The following ERCC3 variants were observed in gnomAD, a reference collection of about 807,000 sequenced individuals.
ERCC3 encodes ERCC excision repair 3, TFIIH core complex helicase subunit, also known as general transcription and DNA repair factor IIH helicase/translocase subunit XPB.
A neutral mutation model predicts 94.2 loss-of-function variants in ERCC3; 66 were observed. The ratio of observed to expected loss-of-function variants is 0.70; its 90% CI spans 0.57 to 0.86. The LOEUF (loss-of-function observed/expected upper bound fraction) is 0.86, where lower values mean the gene tolerates loss of function less well. Ranked by LOEUF, ERCC3 falls within the 40% of genes least tolerant of loss-of-function variation. The pLI is 0.00. For missense variants in ERCC3, 829 were observed against 987.1 expected (o/e 0.84, Z 2.15); for synonymous variants, 349 against 369.1 (o/e 0.95, Z 0.63).
chr2:127,290,703 T>A, intron 3 of ERCC3: 2 of 290,780 alleles, frequency 6.9e-6, no homozygotes, highest in South Asian at 6.7e-5. Context: ...AGCATCTTGA[T>A]GGCAGAGAAT....
In ERCC3 at chr2:127,264,008, C is replaced by T. The variant is rs891940990; in HGVS notation, c.1946-2662G>A. 3.3e-5 allele frequency among the ~76,000 whole-genome samples: 5 copies of T among 152,140 alleles called. No homozygotes were observed. The highest frequency in any genetic ancestry group is 1.2e-4 in the African/African-American group (5 of 41,426). ...TACAGGCAAGAGCCACCGTGCCCGG[C>T]TGTCTTGTTCCAGTTCTTAAAGGGA... On this transcript the variant is annotated intron_variant, in intron 12 of 14. Coordinates refer to ENST00000285398, the MANE Select transcript of ERCC3 (RefSeq NM_000122.2). This position sits in a 1 kb window ranked among gnomAD's most constrained non-coding sequence, Gnocchi z 4.4.
intron 5 of ERCC3, 28 bp from the exon 6 acceptor site, chr2:127,289,529 C>G: frequency 6.2e-7 from 1 of 1,611,888 alleles, no homozygotes; most frequent in Non-Finnish European, 8.5e-7. Context: ...GCTGAACGTG[C>G]ACACAACATT....
At chr2:127,290,623 A>C in intron 3 of ERCC3, 1 of 366,354 alleles carries the variant, frequency 2.7e-6, no homozygotes, top group Non-Finnish European at 5.2e-6. Flanking sequence ...GAGTATGTGC[A>C]CAGTAATTGC....
chr2:127,286,514 C>G (rs1274388617), intron 8 of ERCC3, among the ~76,000 whole-genome samples, 189 bp downstream of exon 8: 1 of 151,686 alleles, frequency 6.6e-6, no homozygotes, highest in Non-Finnish European at 1.5e-5. Flanking sequence ...CCACTGCACT[C>G]CAGCTTGGGT....
At chr2:127,285,651 C>G (rs1212012429) in intron 8 of ERCC3, among the ~76,000 whole-genome samples, 2 of 152,056 alleles carry the variant, frequency 1.3e-5, no homozygotes, top group East Asian at 3.9e-4. Context: ...GATTGCACCA[C>G]TGCACTCCAG....
intron 3 of ERCC3, 86 bp from the exon 4 acceptor site, chr2:127,290,359 CA>C (rs1558963446): frequency 2.3e-5 from 26 of 1,145,318 alleles, no homozygotes; most frequent in Middle Eastern, 2.3e-4. Flanking sequence ...ACCTACCAAC[CA>C]AGTGAAAAGT....
intron 6 of ERCC3, 52 bp downstream of exon 6, chr2:127,289,285 G>A: frequency 6.5e-7 from 1 of 1,544,834 alleles, no homozygotes; most frequent in African/African-American, 1.4e-5. Flanking sequence ...GGCTGGACTA[G>A]CTTCTAACAG....
intron 12 of ERCC3, among the ~76,000 whole-genome samples, chr2:127,266,285 C>T (rs533832250): frequency 6.8e-6 from 1 of 147,856 alleles, no homozygotes; most frequent in African/African-American, 2.6e-5. Context: ...TCCACTGTGA[C>T]CCAAGAAAAT....
Position 127,279,411 on chromosome 2 carries a change from G to A in ERCC3, c.1528-36C>T. The stretch of plus-strand genomic sequence containing the variant: ...GTAAGAACCAGGGGTCATTTTACAA[G>A]TTTAAACACCACACAATTTAAAACT... On this transcript the variant is annotated intron_variant, in intron 9 of 14. Coordinates refer to ENST00000285398, the MANE Select transcript of ERCC3 (RefSeq NM_000122.2). This position sits in a 1 kb window ranked among gnomAD's most constrained non-coding sequence, Gnocchi z 4.7. The A allele has an allele frequency of 6.8e-7, 1 of 1,469,420 alleles. No individual in the cohort carries two copies. Among genetic ancestry groups the A allele is most frequent in the Non-Finnish European group, 9.5e-7 (1 of 1,048,064 alleles). The allele number at this position is 1,469,420 out of a possible 1,614,324, so 91.0% of individuals were successfully genotyped here. A position where few individuals can be genotyped will look rare whatever the true frequency, so the allele number is the denominator to read the frequency against.
Position 127,292,690 on chromosome 2 carries a change from G to A in ERCC3, c.391C>T (p.Leu131=), listed in dbSNP as rs2104781050. The change falls in exon 3 of 15, where the codon CTG becomes TTG. Residue 131 remains leucine (L), a synonymous_variant. Transcript: ENST00000285398. ...TACTCGGTGATGTCACTGGTTTGCA[G>A]CCCAACGCTGACAGCTGCATACAAG... ...YSLYAAVSVG[L]QTSDITEYLR... is the part of the protein sequence containing the mutation. The A allele has an allele frequency of 6.2e-7, 1 of 1,614,158 alleles. No homozygotes were observed. Among genetic ancestry groups the A allele is most frequent in the Non-Finnish European group, 8.5e-7 (1 of 1,180,024 alleles).
Position 127,259,312 on chromosome 2 carries a change from C to A in ERCC3, c.2201G>T (p.Gly734Val), listed in dbSNP as rs1435459493. The change falls in exon 14 of 15, where the codon GGC becomes GTC. Residue 734 changes from glycine to valine, a missense_variant. Physicochemically the swap from Gly to Val is moderately radical, Grantham distance 109. Coordinates refer to ENST00000285398, the MANE Select transcript of ERCC3 (RefSeq NM_000122.2). The surrounding 1 kb of genome is among the most constrained non-coding windows in gnomAD (Gnocchi z 4.9). Reference sequence around the variant, plus strand: ...TTTACTCACCTGGCTGGATCTGGAGCCAAATTCCCCAGCCACCACCTCCTC... The same window carrying A: ...TTTACTCACCTGGCTGGATCTGGAGACAAATTCCCCAGCCACCACCTCCTC... ...AEEEVVAGEF[G>V]SRSSQASRRF... 1.2e-6 allele frequency: 2 copies of A among 1,614,072 alleles called. No homozygotes were observed. Among genetic ancestry groups the A allele is most frequent in the Non-Finnish European group, 1.7e-6 (2 of 1,180,038 alleles).
chr2:127,294,022 T>C (rs1685378185), intron 1 of ERCC3, 32 bp downstream of exon 1: 1 of 1,602,098 alleles, frequency 6.2e-7, no homozygotes, highest in African/African-American at 1.3e-5. Context: ...GCAAGGGCAG[T>C]CGTGGCTGAG....
chr2:127,279,991 C>T lies in ERCC3; in HGVS notation c.1527+456G>A, dbSNP rs1476791809. ...CAGCAATTCTTCCATTTAAGCCACACTTCCACACACGAGTCAGCACTGCTA... is the reference window on the plus strand; with the variant it reads ...CAGCAATTCTTCCATTTAAGCCACATTTCCACACACGAGTCAGCACTGCTA... On this transcript the variant is annotated intron_variant, in intron 9 of 14. Transcript: ENST00000285398. The surrounding 1 kb of genome is among the most constrained non-coding windows in gnomAD (Gnocchi z 4.7). Among the ~76,000 whole-genome samples the T allele has an allele frequency of 6.6e-6, 1 of 152,186 alleles. No homozygotes were observed. The highest frequency in any genetic ancestry group is 1.5e-5 in the Non-Finnish European group (1 of 68,032).
At chr2:127,281,754 AACACACACACACAAACACAC>A (rs1558958203) in intron 8 of ERCC3, among the ~76,000 whole-genome samples, 1 of 151,716 alleles carries the variant, frequency 6.6e-6, no homozygotes, top group Non-Finnish European at 1.5e-5. Context: ...ACCACATGCA[AACACACACACACAAACACAC>A]ACACACACAC....
At chr2:127,262,364 A>T (rs1684213562) in intron 12 of ERCC3, 1 of 152,390 alleles carries the variant, frequency 6.6e-6, no homozygotes, top group East Asian at 1.9e-4. Flanking sequence ...GTGGTGGCTC[A>T]TGCCTGTAAT....
intron 10 of ERCC3, among the ~76,000 whole-genome samples, chr2:127,275,903 G>A (rs1003663959): frequency 4.6e-5 from 7 of 152,120 alleles, no homozygotes; most frequent in South Asian, 2.1e-4. Flanking sequence ...TACAAAACCC[G>A]CCGCCTCTGT....
rs1250533468 is a variant in ERCC3, at chr2:127,279,631, G to T, written c.1528-256C>A. On this transcript the variant is annotated intron_variant, in intron 9 of 14. Coordinates refer to ENST00000285398, the MANE Select transcript of ERCC3 (RefSeq NM_000122.2). The surrounding 1 kb of genome is among the most constrained non-coding windows in gnomAD (Gnocchi z 4.7). The stretch of plus-strand genomic sequence containing the variant: ...ACAAAAATTAGCTGGGTGTGGTAGT[G>T]CATGTCTGTAATTCCAGCTACGCAG... Among the ~76,000 whole-genome samples the T allele has an allele frequency of 6.6e-6, 1 of 152,104 alleles. No individual in the cohort carries two copies. Among genetic ancestry groups the T allele is most frequent in the East Asian group, 1.9e-4 (1 of 5,190 alleles).
Position 127,280,330 on chromosome 2 carries a change from T to C in ERCC3, c.1527+117A>G. Reference sequence around the variant, plus strand: ...GGGTGACTGAGGATCCTGTATGAAGTGGTAGCAGGTGAGCCTAAGTCCTGA... The same window carrying C: ...GGGTGACTGAGGATCCTGTATGAAGCGGTAGCAGGTGAGCCTAAGTCCTGA... On this transcript the variant is annotated intron_variant, in intron 9 of 14. Coordinates refer to ENST00000285398, the MANE Select transcript of ERCC3 (RefSeq NM_000122.2). The surrounding 1 kb of genome is among the most constrained non-coding windows in gnomAD (Gnocchi z 6.3). 1.1e-6 allele frequency: 1 copy of C among 896,906 alleles called. No homozygotes were observed. Among genetic ancestry groups the C allele is most frequent in the Non-Finnish European group, 1.8e-6 (1 of 551,980 alleles). The allele number at this position is 896,906 out of a possible 1,614,324, so 55.6% of individuals were successfully genotyped here.
At position 127,293,536 on chromosome 2, in the gene ERCC3, G is replaced by C. The variant is rs377255867; in HGVS notation, c.211C>G (p.His71Asp). ...ACCACCCAGAGGGGCCTGGAGGTGT[G>C]GTCGTCCTTCAGCGGCATTTGCAGC... ...YRLQMPLKDD[H>D]TSRPLWVAPD... The change falls in exon 2 of 15, where the codon CAC becomes GAC. Residue 71 changes from histidine to aspartate, a missense_variant. By Grantham distance (81) the His-to-Asp change is moderately conservative. Transcript: ENST00000285398. 6.2e-7 allele frequency: 1 copy of C among 1,614,142 alleles called. No individual in the cohort carries two copies.
Sources: allele counts gnomAD v4.1 joint callset (sites outside exome capture counted in the v4.1 genomes callset), GRCh38; gene constraint gnomAD v4.1.1; non-coding constraint Gnocchi (gnomAD v3.1); transcripts MANE v1.5; gene names NCBI Gene and HGNC (gene_info 2026-07-23, HGNC 2026-07-21).